The following DNMBP variants were observed in gnomAD, a reference collection of about 807,000 sequenced individuals.
The protein encoded by DNMBP is dynamin-binding protein.
A neutral mutation model predicts 150.0 loss-of-function variants in DNMBP; 87 were observed. The ratio of observed to expected loss-of-function variants is 0.58; its 90% CI spans 0.49 to 0.69. The LOEUF (loss-of-function observed/expected upper bound fraction) is 0.69, where lower values mean the gene tolerates loss of function less well. DNMBP is among the 30% of genes least tolerant of loss of function. The pLI is 0.00. For missense variants in DNMBP, 1,774 were observed against 1,949.0 expected (o/e 0.91, Z 1.69); for synonymous variants, 711 against 750.4 (o/e 0.95, Z 0.86).
At chr10:99,917,592 C>T (rs1259912353) in intron 4 of DNMBP, among the ~76,000 whole-genome samples, 1 of 152,158 alleles carries the variant, frequency 6.6e-6, no homozygotes, top group Non-Finnish European at 1.5e-5. Flanking sequence ...CCCCCAACTA[C>T]CGTTAGTCCA....
chr10:100,005,536 C>A (rs953673591), intron 1 of DNMBP, among the ~76,000 whole-genome samples: 1 of 151,950 alleles, frequency 6.6e-6, no homozygotes, highest in African/African-American at 2.4e-5. Flanking sequence ...GGCGGATCAC[C>A]TGAGGTCAGG....
chr10:99,936,913 C>A (rs73333951), intron 4 of DNMBP, among the ~76,000 whole-genome samples: 2,992 of 151,760 alleles, frequency 0.02, 81 homozygotes, highest in African/African-American at 0.067. Flanking sequence ...ATTTCTTATT[C>A]TTTGAGACAG....
At chr10:99,891,896 C>T (rs544727579) in intron 11 of DNMBP, among the ~76,000 whole-genome samples, 6 of 147,568 alleles carry the variant, frequency 4.1e-5, no homozygotes, top group East Asian at 2.1e-4. Flanking sequence ...GCGTCTCTGC[C>T]GCCCCGTCCG....
chr10:99,969,333 G>T, intron 2 of DNMBP, 96 bp from the exon 3 acceptor site: 1 of 1,294,848 alleles, frequency 7.7e-7, no homozygotes, highest in Non-Finnish European at 1.1e-6. Context: ...TCCATGTATA[G>T]ACCGTAACTT....
At chr10:99,933,119 C>T (rs984768834) in intron 4 of DNMBP, among the ~76,000 whole-genome samples, 4 of 151,074 alleles carry the variant, frequency 2.6e-5, no homozygotes, top group Non-Finnish European at 5.9e-5. Context: ...ACAAATGAGA[C>T]CCCATCTCCA....
In DNMBP at chr10:99,955,833, G is replaced by A. The variant is rs371385100; in HGVS notation, c.1641C>T (p.Asp547=). The stretch of plus-strand genomic sequence containing the variant: ...GCTGTTGTGTCAGCTTCGAGTCCAG[G>A]TCAGTGCTGCCGTCTCCCTGTGAAT... ...ATHSQGDGST[D]LDSKLTQQLI... Residue 547 remains aspartate, a synonymous_variant, in exon 4 of 17, where the codon GAC becomes GAT. Transcript: ENST00000324109. The A allele has an allele frequency of 3.0e-5, 48 of 1,614,110 alleles. No homozygotes were observed. In the African/African-American group the frequency reaches 5.9e-4, roughly 20 times the overall value.
chr10:99,981,833 G>A (rs2040782364), intron 1 of DNMBP, among the ~76,000 whole-genome samples: 1 of 152,088 alleles, frequency 6.6e-6, no homozygotes, highest in Non-Finnish European at 1.5e-5. Flanking sequence ...TTACTCCCCT[G>A]GCTCTCTCCC....
At chr10:99,965,311 A>G (rs1415646397) in intron 3 of DNMBP, among the ~76,000 whole-genome samples, 1 of 152,192 alleles carries the variant, frequency 6.6e-6, no homozygotes. Flanking sequence ...ATTTAAACTT[A>G]GGCCTGTCAG....
chr10:99,919,049 A>G (rs932135784), intron 4 of DNMBP, among the ~76,000 whole-genome samples: 4 of 152,224 alleles, frequency 2.6e-5, no homozygotes, highest in African/African-American at 9.6e-5. Context: ...ACACACATAC[A>G]CACAGAATCC....
intron 4 of DNMBP, among the ~76,000 whole-genome samples, chr10:99,918,680 C>T (rs2039992563): frequency 6.6e-6 from 1 of 150,636 alleles, no homozygotes; most frequent in African/African-American, 2.5e-5. Flanking sequence ...AATTATCCTG[C>T]CTTAGCCTCC....
chr10:99,934,788 G>A lies in DNMBP; in HGVS notation c.2260+20426C>T, dbSNP rs530057262. Among the ~76,000 whole-genome samples the A allele has an allele frequency of 8.3e-4, 106 of 127,232 alleles. 5 individuals carry two copies. The highest frequency in any genetic ancestry group is 1.7e-3 in the Admixed American group (21 of 12,182). The allele number at this position is 127,232 out of a possible 152,430, so 83.5% of individuals were successfully genotyped here. ...AGATGGTGGGAATTGGACCAGGGTC[G>A]TAGCATAGAGCAATTAGTAGAAGGA... On this transcript the variant is annotated intron_variant, in intron 4 of 16. Transcript: ENST00000324109.
chr10:99,961,605 TC>T lies in DNMBP; in HGVS notation c.269-4401del, dbSNP rs574987232. 3.0e-3 allele frequency among the ~76,000 whole-genome samples: 449 copies of T among 151,904 alleles called. 2 individuals are homozygous for T. The highest frequency in any genetic ancestry group is 5.2e-3 in the Non-Finnish European group (354 of 67,974). On this transcript the variant is annotated intron_variant, in intron 3 of 16. Transcript: ENST00000324109. ...CTCTATGCTACGACCCTGGTCCAAT[TC>T]CCACCATCTCACCCTTTGAAATCTT...
intron 4 of DNMBP, among the ~76,000 whole-genome samples, chr10:99,952,662 C>T (rs1487158468): frequency 1.3e-5 from 2 of 152,176 alleles, no homozygotes; most frequent in Admixed American, 6.5e-5. Context: ...GAACTCTGCC[C>T]ACATGCATAA....
Position 99,886,458 on chromosome 10 carries a change from G to C in DNMBP, c.3460C>G (p.Arg1154Gly). ...KKTLEELQSA[R>G]NNYEALNAQL... ...GCATTCAGGGCCTCATAGTTGTTCC[G>C]GGCCGACTGCAGCTCCTCCAGGGTC... The change falls in exon 13 of 17, where the codon CGG becomes GGG. Residue 1154 changes from arginine (R) to glycine (G), a missense_variant. By Grantham distance (125) the Arg-to-Gly change is moderately radical (BLOSUM62 -2). Around this residue, in one of 2 missense-constraint regions of DNMBP, gnomAD observed 1,430 missense variants for 1,492.5 expected, o/e 0.96. Transcript: ENST00000324109. The C allele has an allele frequency of 6.2e-7, 1 of 1,614,138 alleles. No individual in the cohort carries two copies.
chr10:99,943,102 TG>T (rs1356693771), intron 4 of DNMBP, among the ~76,000 whole-genome samples: 3 of 152,010 alleles, frequency 2.0e-5, no homozygotes. Context: ...CTGGCCAACA[TG>T]GCAAAGCCCA....
chr10:100,005,786 C>CAAAAAAAAAAAAAAA lies in DNMBP; in HGVS notation c.-11+4051_-11+4052insTTTTTTTTTTTTTTT, dbSNP rs1589458237. ...CTCCAAAAAAAAAAAAAAAAAAAACCAAACTACATAAAGGAAAATGAATTA... is the reference window on the plus strand; with the variant it reads ...CTCCAAAAAAAAAAAAAAAAAAAACCAAAAAAAAAAAAAAAAAACTACATAAAGGAAAATGAATTA... On this transcript the variant is annotated intron_variant, in intron 1 of 16. Transcript: ENST00000324109. Among the ~76,000 whole-genome samples the CAAAAAAAAAAAAAAA allele has an allele frequency of 1.8e-3, 179 of 100,988 alleles. 5 individuals carry two copies. Among genetic ancestry groups the CAAAAAAAAAAAAAAA allele is most frequent in the South Asian group, 4.4e-3 (14 of 3,168 alleles). 66.3% of individuals were successfully genotyped at this position (100,988 alleles called of 152,430 possible).
intron 3 of DNMBP, among the ~76,000 whole-genome samples, chr10:99,960,282 T>C (rs746157635): frequency 9.2e-5 from 14 of 152,196 alleles, no homozygotes; most frequent in Admixed American, 3.9e-4. Flanking sequence ...AGATTATCTA[T>C]TTTAATCTTA....
At chr10:99,954,666 C>T (rs1032866375) in intron 4 of DNMBP, among the ~76,000 whole-genome samples, 3 of 150,408 alleles carry the variant, frequency 2.0e-5, no homozygotes, top group African/African-American at 2.5e-5. Context: ...ATCGCTTGAA[C>T]CTGGGAGGCA....
intron 1 of DNMBP, among the ~76,000 whole-genome samples, chr10:99,977,158 T>G (rs1564752148): frequency 6.6e-6 from 1 of 152,060 alleles, no homozygotes; most frequent in African/African-American, 2.4e-5. Flanking sequence ...TTGGAATGAG[T>G]GCATAATCAC....
Sources: gnomAD v4.1 joint callset for allele counts (sites outside exome capture counted in the v4.1 genomes callset) on GRCh38, gnomAD v4.1.1 for gene constraint, gnomAD v4.1.1 regional missense constraint, MANE v1.5 for transcripts, NCBI Gene and HGNC (gene_info 2026-07-23, HGNC 2026-07-21) for gene names.